VWA8: variants seen among roughly 807,000 people sequenced by gnomAD.
The protein encoded by VWA8 is von Willebrand factor A domain containing 8, also known as von Willebrand factor A domain-containing protein 8.
A neutral mutation model predicts 241.5 loss-of-function variants in VWA8; 221 were observed. The observed-to-expected ratio is 0.91, with a 90% CI of 0.82 to 1.02. The LOEUF (loss-of-function observed/expected upper bound fraction) is 1.02. Among genes scored for constraint, VWA8 ranks in the 50% least tolerant of loss-of-function variants. The probability of loss-of-function intolerance (pLI) is 0.00; values close to 1 mark genes in which losing one functional copy is unlikely to be tolerated. For missense variants in VWA8, 2,322 were observed against 2,328.7 expected, an observed-to-expected ratio of 1.00 and a Z score of 0.06; for synonymous variants, 852 against 827.1, an observed-to-expected ratio of 1.03 and a Z score of -0.52.
At chr13:41,762,976 A>G (rs1279632925) in intron 20 of VWA8, among the ~76,000 whole-genome samples, 1 of 152,066 alleles carries the variant, frequency 6.6e-6, no homozygotes, top group Non-Finnish European at 1.5e-5. Flanking sequence ...TGGACTTATA[A>G]AAGAAGAACG....
chr13:41,729,638 C>A lies in VWA8; in HGVS notation c.2542G>T (p.Glu848Ter). ...ACATTTGTTGGAGCTTTGTCAGCCTCATCTACTACCAGAATATGACCCAAC... is the reference window on the plus strand; with the variant it reads ...ACATTTGTTGGAGCTTTGTCAGCCTAATCTACTACCAGAATATGACCCAAC... ...VKLGHILVVD[E>*]ADKAPTNVTC... Residue 848 changes from glutamate (E) to a stop codon, truncating the protein, a stop_gained, in exon 23 of 45, where the codon GAG becomes TAG. Transcript: ENST00000379310. LOFTEE classifies it high-confidence loss of function. The A allele has an allele frequency of 6.2e-7, 1 of 1,612,964 alleles. No individual in the cohort carries two copies. The highest frequency in any genetic ancestry group is 8.5e-7 in the Non-Finnish European group (1 of 1,179,402).
chr13:41,842,499 T>A (rs1347315675), intron 12 of VWA8, among the ~76,000 whole-genome samples: 1 of 152,192 alleles, frequency 6.6e-6, no homozygotes, highest in Non-Finnish European at 1.5e-5. Flanking sequence ...GATTTTGCAG[T>A]TGTATGTGTG....
rs2044268449 is a variant in VWA8 at position 41,567,441 on chromosome 13, G to T, written c.*756C>A. 1.3e-5 allele frequency: 2 copies of T among 152,186 alleles called. No individual in the cohort carries two copies. The highest frequency in any genetic ancestry group is 2.9e-5 in the Non-Finnish European group (2 of 68,034). The allele number at this position is 152,186 out of a possible 1,614,324, so 9.4% of individuals were successfully genotyped here. A position where few individuals can be genotyped will look rare whatever the true frequency, so the allele number is the denominator to read the frequency against. ...ATGGAGTACTGTGAATTTTTTGAGA[G>T]ATGCTAGAAGAACAGAAGAAACAGT... On this transcript the variant is annotated 3_prime_UTR_variant, in exon 45 of 45. Coordinates refer to ENST00000379310, the MANE Select transcript of VWA8 (RefSeq NM_015058.2).
chr13:41,955,636 G>A (rs558898765), intron 1 of VWA8, among the ~76,000 whole-genome samples: 5 of 152,322 alleles, frequency 3.3e-5, no homozygotes, highest in Non-Finnish European at 5.9e-5. Context: ...CAAAGTTTCA[G>A]TGAATCTGTC....
intron 2 of VWA8, among the ~76,000 whole-genome samples, chr13:41,944,452 C>T (rs1877755468): frequency 6.6e-6 from 1 of 152,108 alleles, no homozygotes; most frequent in South Asian, 2.1e-4. Flanking sequence ...TCACTGCAGC[C>T]TCAACCACAA....
At chr13:41,805,812 C>T (rs1280810795) in intron 17 of VWA8, among the ~76,000 whole-genome samples, 1 of 151,104 alleles carries the variant, frequency 6.6e-6, no homozygotes, top group East Asian at 1.9e-4. Flanking sequence ...AAAACTTCAT[C>T]TCAAAAAAAA....
chr13:41,769,159 G>C (rs972186078), intron 20 of VWA8, among the ~76,000 whole-genome samples: 1 of 152,188 alleles, frequency 6.6e-6, no homozygotes, highest in Non-Finnish European at 1.5e-5. Context: ...CGCCTACCTC[G>C]GACTCCCGAA....
chr13:41,611,150 A>C (rs1327408741), intron 39 of VWA8, among the ~76,000 whole-genome samples: 1 of 152,156 alleles, frequency 6.6e-6, no homozygotes, highest in Non-Finnish European at 1.5e-5. Context: ...TCAGCCCACT[A>C]AACTTGCCTT....
intron 14 of VWA8, among the ~76,000 whole-genome samples, chr13:41,822,314 C>G (rs1317059168): frequency 6.6e-6 from 1 of 152,128 alleles, no homozygotes; most frequent in South Asian, 2.1e-4. Flanking sequence ...ATACATCAAT[C>G]ATGAGCTAGA....
chr13:41,679,847 A>ACCCCCCC (rs2045085802), intron 35 of VWA8, among the ~76,000 whole-genome samples: 1 of 121,072 alleles, frequency 8.3e-6, no homozygotes. Flanking sequence ...TTTACCCCCT[A>ACCCCCCC]CCCGCCCCCG....
intron 17 of VWA8, among the ~76,000 whole-genome samples, chr13:41,793,999 G>A (rs903436140): frequency 1.3e-5 from 2 of 152,098 alleles, no homozygotes; most frequent in South Asian, 2.1e-4. Context: ...ATTGGTCTAC[G>A]TGTCTGTTCT....
At chr13:41,868,244 A>G in intron 10 of VWA8, 102 bp downstream of exon 10, 2 of 1,327,048 alleles carry the variant, frequency 1.5e-6, no homozygotes, top group South Asian at 1.3e-5. Context: ...AAGCAGTACT[A>G]TCAAGAGAGA....
At chr13:41,697,706 A>G (rs960899956) in intron 29 of VWA8, among the ~76,000 whole-genome samples, 5 of 152,162 alleles carry the variant, frequency 3.3e-5, no homozygotes, top group African/African-American at 1.2e-4. Flanking sequence ...CTCAGGCAGC[A>G]ATGCTTACTT....
rs757247947 is a variant in VWA8 at position 41,907,651 on chromosome 13, T to A, written c.418A>T (p.Thr140Ser). ...EVEYIALSRDTTETDLKQRRE... is the reference protein window; with the variant it reads ...EVEYIALSRDSTETDLKQRRE... ...CGCTGTTTGAGATCAGTTTCAGTGG[T>A]GTCCCTTGACAGGGCAATGTATTCG... The change falls in exon 4 of 45, where the codon ACC becomes TCC. Residue 140 changes from threonine to serine, a missense_variant. Coordinates refer to ENST00000379310, the MANE Select transcript of VWA8 (RefSeq NM_015058.2). The A allele has an allele frequency of 3.7e-6, 6 of 1,614,206 alleles. No homozygotes were observed. The highest frequency in any genetic ancestry group is 5.1e-6 in the Non-Finnish European group (6 of 1,180,016).
chr13:41,633,904 A>G (rs1339539962), intron 37 of VWA8, among the ~76,000 whole-genome samples: 1 of 152,148 alleles, frequency 6.6e-6, no homozygotes, highest in Non-Finnish European at 1.5e-5. Context: ...TAAAAAGACT[A>G]GAGTCCTGGA....
rs1254298940 is a variant in VWA8 at position 41,729,525 on chromosome 13, C to G, written c.2638+17G>C. The G allele has an allele frequency of 1.9e-6, 3 of 1,600,792 alleles. No individual in the cohort carries two copies. The highest frequency in any genetic ancestry group is 2.6e-6 in the Non-Finnish European group (3 of 1,174,842). ...ATTGTATTTATTAAAGGAAACATTG[C>G]TTTCTAAAATACTCACTTGCAACAA... On this transcript the variant is annotated intron_variant, in intron 23 of 44. Coordinates refer to ENST00000379310, the MANE Select transcript of VWA8 (RefSeq NM_015058.2).
chr13:41,763,559 C>G (rs184248268), intron 20 of VWA8, among the ~76,000 whole-genome samples: 1 of 152,216 alleles, frequency 6.6e-6, no homozygotes. Flanking sequence ...ATTTGCACAT[C>G]TGTATGTAAA....
At chr13:41,883,294 G>A in intron 9 of VWA8, 93 bp downstream of exon 9, 1 of 942,242 alleles carries the variant, frequency 1.1e-6, no homozygotes, top group East Asian at 2.5e-5. Flanking sequence ...GAGAAAAATA[G>A]GAAAGGTGGG....
chr13:41,697,399 CAT>C (rs1291776005), intron 29 of VWA8, among the ~76,000 whole-genome samples: 1 of 152,182 alleles, frequency 6.6e-6, no homozygotes, highest in African/African-American at 2.4e-5. Flanking sequence ...CCCTTTTACT[CAT>C]AGTCAGGACC....
Sources: allele counts gnomAD v4.1 joint callset (sites outside exome capture counted in the v4.1 genomes callset), GRCh38; gene constraint gnomAD v4.1.1; transcripts MANE v1.5; gene names NCBI Gene and HGNC (gene_info 2026-07-23, HGNC 2026-07-21).